Variants in PDE4D observed in about 807,000 individuals in gnomAD.
PDE4D encodes phosphodiesterase 4D, also known as 3',5'-cyclic-AMP phosphodiesterase 4D.
Under a neutral mutation model 87.4 loss-of-function variants are expected in PDE4D, and 24 were observed. The observed-to-expected ratio is 0.27, with a 90% confidence interval of 0.20 to 0.39. The LOEUF (loss-of-function observed/expected upper bound fraction) is 0.39, where lower values mean the gene tolerates loss of function less well. Ranked by LOEUF, PDE4D falls within the 10% of genes least tolerant of loss-of-function variation. The pLI, the probability that PDE4D is intolerant of heterozygous loss-of-function variation, is 1.00. For synonymous variants in PDE4D, 384 were observed against 383.2 expected (o/e 1.00, Z -0.02); for missense variants, 714 against 1,041.0 (o/e 0.69, Z 4.32).
At chr5:59,862,183 T>A (rs1746380755) in intron 1 of PDE4D, among the ~76,000 whole-genome samples, 1 of 152,154 alleles carries the variant, frequency 6.6e-6, no homozygotes, top group African/African-American at 2.4e-5. Context: ...TCCTATGCCA[T>A]CAAAACCATT....
intron 1 of PDE4D, among the ~76,000 whole-genome samples, chr5:59,651,091 T>TA (rs1182997584): frequency 1.3e-5 from 2 of 151,538 alleles, no homozygotes; most frequent in Non-Finnish European, 2.9e-5. Context: ...CCATCTCTAC[T>TA]AAAAATACAA....
chr5:59,307,912 G>A (rs561052201), intron 1 of PDE4D, among the ~76,000 whole-genome samples: 3,811 of 151,668 alleles, frequency 0.025, 177 homozygotes, highest in African/African-American at 0.087. Flanking sequence ...ACATGCACAC[G>A]TATGTTTATT....
At chr5:59,249,322 A>G (rs1759465888) in intron 1 of PDE4D, among the ~76,000 whole-genome samples, 1 of 152,200 alleles carries the variant, frequency 6.6e-6, no homozygotes, top group African/African-American at 2.4e-5. Context: ...CATTTCCTGC[A>G]GCAGCACAGT....
intron 1 of PDE4D, among the ~76,000 whole-genome samples, chr5:59,309,363 C>T (rs1772101278): frequency 6.6e-6 from 1 of 152,186 alleles, no homozygotes; most frequent in Non-Finnish European, 1.5e-5. Context: ...CTCTGGCTGC[C>T]CTCTGGATGG....
intron 1 of PDE4D, among the ~76,000 whole-genome samples, chr5:59,644,106 G>A (rs1194699385): frequency 6.6e-6 from 1 of 152,168 alleles, no homozygotes; most frequent in Non-Finnish European, 1.5e-5. Flanking sequence ...AGGAGAACAG[G>A]AAAGCCAGGT....
At chr5:59,283,095 T>C (rs188965266) in intron 1 of PDE4D, among the ~76,000 whole-genome samples, 3 of 152,264 alleles carry the variant, frequency 2.0e-5, no homozygotes, top group East Asian at 3.9e-4. Flanking sequence ...AAAATGGAGA[T>C]AGAAGAGAAT....
intron 2 of PDE4D, among the ~76,000 whole-genome samples, chr5:60,063,149 AGAAAGAAG>A (rs1241513649): frequency 3.4e-4 from 43 of 127,528 alleles, no homozygotes; most frequent in African/African-American, 1.0e-3. Flanking sequence ...AAAGAAAGAA[AGAAAGAAG>A]GAAAGAAAGA....
intron 2 of PDE4D, among the ~76,000 whole-genome samples, chr5:60,087,993 T>C (rs954386152): frequency 6.6e-6 from 1 of 152,050 alleles, no homozygotes; most frequent in Non-Finnish European, 1.5e-5. Flanking sequence ...AAGAATACTT[T>C]AAGCAGCAAG....
chr5:59,657,765 T>C (rs919471398), intron 1 of PDE4D, among the ~76,000 whole-genome samples: 2 of 152,210 alleles, frequency 1.3e-5, no homozygotes, highest in African/African-American at 4.8e-5. Context: ...CAACAGCAGC[T>C]TAATAAAATA....
At chr5:59,964,416 G>A (rs762501895) in intron 3 of PDE4D, among the ~76,000 whole-genome samples, 4 of 152,156 alleles carry the variant, frequency 2.6e-5, no homozygotes, top group Non-Finnish European at 5.9e-5. Flanking sequence ...TTCACTGCTA[G>A]GCAGTTGTGA....
chr5:60,291,915 CAATAA>C (rs1485159315), intron 1 of PDE4D, among the ~76,000 whole-genome samples: 15 of 151,960 alleles, frequency 9.9e-5, no homozygotes, highest in Admixed American at 9.8e-4. Context: ...ATGACCAATA[CAATAA>C]AAGAATGGTT....
chr5:60,438,444 T>G (rs955996181), intron 1 of PDE4D, among the ~76,000 whole-genome samples: 2 of 152,148 alleles, frequency 1.3e-5, no homozygotes, highest in African/African-American at 4.8e-5. Flanking sequence ...TTTTGTATGC[T>G]TCCCCCTTTA....
At chr5:59,232,225 A>G (rs1755368229) in intron 1 of PDE4D, among the ~76,000 whole-genome samples, 1 of 152,212 alleles carries the variant, frequency 6.6e-6, no homozygotes. Flanking sequence ...CAACAGAGTG[A>G]AAAGACAACA....
At chr5:60,045,423 A>T (rs1368304919) in intron 2 of PDE4D, among the ~76,000 whole-genome samples, 2 of 152,238 alleles carry the variant, frequency 1.3e-5, no homozygotes, top group Non-Finnish European at 2.9e-5. Flanking sequence ...TGTTTTAGAC[A>T]TGAAGTCCTT....
At chr5:59,120,986 T>C (rs1774393654) in intron 5 of PDE4D, among the ~76,000 whole-genome samples, 1 of 152,096 alleles carries the variant, frequency 6.6e-6, no homozygotes, top group African/African-American at 2.4e-5. Context: ...CTTCAATAAA[T>C]GATGCTGGAA....
chr5:59,915,869 G>T (rs781017069), intron 3 of PDE4D, among the ~76,000 whole-genome samples: 8 of 152,148 alleles, frequency 5.3e-5, no homozygotes, highest in Non-Finnish European at 8.8e-5. Flanking sequence ...TACAGTGGGG[G>T]TTCTCTTGTA....
intron 1 of PDE4D, among the ~76,000 whole-genome samples, chr5:60,282,071 C>T (rs571630560): frequency 2.0e-5 from 3 of 151,748 alleles, no homozygotes; most frequent in East Asian, 3.9e-4. Context: ...GAAATAACAT[C>T]GTTTTAAACA....
Position 58,989,779 on chromosome 5 carries a change from C to T in PDE4D, c.1428G>A (p.Val476=). The T allele has an allele frequency of 1.2e-6, 2 of 1,607,602 alleles. No individual in the cohort carries two copies. The highest frequency in any genetic ancestry group is 1.3e-5 in the African/African-American group (1 of 74,516). The stretch of plus-strand genomic sequence containing the variant: ...CCTCCAAAGCAGGTGTAGATAATAG[C>T]ACATGAGTAGACTGGACAACATCTG... ...HAADVVQSTH[V]LLSTPALEAV... Residue 476 remains valine, a synonymous_variant, in exon 10 of 15, where the codon GTG becomes GTA. Coordinates refer to ENST00000340635, the MANE Select transcript of PDE4D (RefSeq NM_001104631.2).
intron 1 of PDE4D, among the ~76,000 whole-genome samples, chr5:59,811,816 C>G (rs117829051): frequency 1.3e-5 from 2 of 152,184 alleles, no homozygotes; most frequent in Non-Finnish European, 2.9e-5. Context: ...TATGTAAAAA[C>G]GTGGTGATAA....
Sources: allele counts gnomAD v4.1 joint callset (sites outside exome capture counted in the v4.1 genomes callset), GRCh38; gene constraint gnomAD v4.1.1; transcripts MANE v1.5; gene names NCBI Gene and HGNC (gene_info 2026-07-23, HGNC 2026-07-21).